Variants in CARF observed in about 807,000 individuals in gnomAD.
The protein encoded by CARF is calcium responsive transcription factor, also known as calcium-responsive transcription factor.
Under a neutral mutation model 82.0 loss-of-function variants are expected in CARF, and 57 were observed. The ratio of observed to expected loss-of-function variants is 0.70; its 90% CI spans 0.56 to 0.87. The LOEUF is 0.87. Ranked by LOEUF, CARF falls within the 40% of genes least tolerant of loss-of-function variation. CARF has a pLI of 0.00. For missense variants in CARF, 771 were observed against 855.8 expected (o/e 0.90, Z 1.24); for synonymous variants, 268 against 290.1 (o/e 0.92, Z 0.77).
intron 8 of CARF, among the ~76,000 whole-genome samples, chr2:202,959,010 A>G (rs2059184345): frequency 6.6e-6 from 1 of 151,756 alleles, no homozygotes; most frequent in African/African-American, 2.4e-5. Flanking sequence ...TTCTCATTTA[A>G]TGATGTTTTA....
chr2:202,950,433 T>G (rs2058702680), intron 5 of CARF, among the ~76,000 whole-genome samples: 2 of 152,216 alleles, frequency 1.3e-5, no homozygotes, highest in Admixed American at 1.3e-4. Context: ...GTTAGAAAAT[T>G]TGTATATACA....
At position 202,984,716 on chromosome 2, in the gene CARF, A is replaced by G. The variant is rs1267774339; in HGVS notation, c.*1092A>G. On this transcript the variant is annotated 3_prime_UTR_variant, in exon 17 of 17. Transcript: ENST00000438828. ...AGTAAGTATATTAACTTCAAATACC[A>G]AATTACTACTAAGCAGTATATTGAT... 1 of 152,210 alleles carries G rather than the reference A, an allele frequency of 6.6e-6. No homozygotes were observed. Among genetic ancestry groups the G allele is most frequent in the East Asian group, 1.9e-4 (1 of 5,196 alleles). 9.4% of individuals were successfully genotyped at this position (152,210 alleles called of 1,614,324 possible). A position where few individuals can be genotyped will look rare whatever the true frequency, so the allele number is the denominator to read the frequency against.
intron 3 of CARF, among the ~76,000 whole-genome samples, chr2:202,936,299 T>C (rs903755369): frequency 2.0e-5 from 3 of 152,218 alleles, no homozygotes; most frequent in African/African-American, 7.2e-5. Context: ...GTGAAATTCA[T>C]ATAACTTAAA....
At position 202,974,481 on chromosome 2, in the gene CARF, G is replaced by C. The variant is rs2059944035; in HGVS notation, c.1479G>C (p.Glu493Asp). 6.3e-7 allele frequency: 1 copy of C among 1,598,176 alleles called. No individual in the cohort carries two copies. The highest frequency in any genetic ancestry group is 8.5e-7 in the Non-Finnish European group (1 of 1,175,810). ...ATGGAGATACGGTATATAACTCAGA[G>C]ATTATTCCAGCAACGGTATGATTAC... ...LRNGDTVYNS[E>D]IIPATLQWTT... The change falls in exon 13 of 17, where the codon GAG becomes GAC. Residue 493 changes from glutamate to aspartate, a missense_variant. Glu to Asp is a conservative substitution (Grantham distance 45). Coordinates refer to ENST00000438828, the MANE Select transcript of CARF (RefSeq NM_024744.17).
At position 202,961,443 on chromosome 2, in the gene CARF, T is replaced by C. The variant is rs2059316828; in HGVS notation, c.832+17T>C. 1 of 1,605,162 alleles carries C rather than the reference T, an allele frequency of 6.2e-7. No homozygotes were observed. Among genetic ancestry groups the C allele is most frequent in the African/African-American group, 1.3e-5 (1 of 74,792 alleles). On this transcript the variant is annotated intron_variant, in intron 9 of 16. Coordinates refer to ENST00000438828, the MANE Select transcript of CARF (RefSeq NM_024744.17). ...TTAATGCAGGTACTTTTTTAAAGAA[T>C]TATTTTAAAAGGTTCAGCAGCAGCC...
rs1400776007 is a variant in CARF, at chr2:202,984,970, C to G, written c.*1346C>G. 2 of 151,598 alleles carry G rather than the reference C, an allele frequency of 1.3e-5. No homozygotes were observed. Among genetic ancestry groups the G allele is most frequent in the African/African-American group, 2.4e-5 (1 of 41,214 alleles). The allele number at this position is 151,598 out of a possible 1,614,324, so 9.4% of individuals were successfully genotyped here. On this transcript the variant is annotated 3_prime_UTR_variant, in exon 17 of 17. Transcript: ENST00000438828. Reference sequence around the variant, plus strand: ...ACTTGGGAGGCTAAGGCAGGAGAATCGCTTGAACACCGGAGGCGGAGGTTG... The same window carrying G: ...ACTTGGGAGGCTAAGGCAGGAGAATGGCTTGAACACCGGAGGCGGAGGTTG...
chr2:202,932,506 G>C (rs995520649), intron 3 of CARF, among the ~76,000 whole-genome samples: 1 of 152,066 alleles, frequency 6.6e-6, no homozygotes, highest in African/African-American at 2.4e-5. Context: ...CTGGAGGTTT[G>C]GGAGCAGGGT....
At chr2:202,913,447 T>C (rs1445784174) in intron 1 of CARF, among the ~76,000 whole-genome samples, 2 of 152,222 alleles carry the variant, frequency 1.3e-5, no homozygotes, top group African/African-American at 2.4e-5. Context: ...TGTTAATTAT[T>C]ATCATCAAAT....
chr2:202,932,606 C>T (rs971768831), intron 3 of CARF, among the ~76,000 whole-genome samples: 5 of 152,002 alleles, frequency 3.3e-5, no homozygotes, highest in Non-Finnish European at 5.9e-5. Context: ...TAACTGTAGT[C>T]CCTGGGAACT....
At chr2:202,950,243 G>C (rs1016783698) in intron 5 of CARF, among the ~76,000 whole-genome samples, 1 of 152,154 alleles carries the variant, frequency 6.6e-6, no homozygotes, top group African/African-American at 2.4e-5. Flanking sequence ...TATCTACTAT[G>C]CTTGGGAAAC....
chr2:202,920,461 C>T (rs1690592629), intron 2 of CARF, among the ~76,000 whole-genome samples: 1 of 152,056 alleles, frequency 6.6e-6, no homozygotes, highest in Non-Finnish European at 1.5e-5. Flanking sequence ...GTCCTAAATT[C>T]ATAATCTTAA....
intron 13 of CARF, 98 bp from the exon 14 acceptor site, chr2:202,977,171 C>A: frequency 1.1e-6 from 1 of 872,938 alleles, no homozygotes; most frequent in Non-Finnish European, 1.9e-6. Context: ...CAGAATAAAT[C>A]ACATACTGTG....
chr2:202,969,913 A>G lies in CARF; in HGVS notation c.954-6A>G, dbSNP rs73056727. ...TGAAACAAATTCTTCTTTATCTTGT[A>G]TAAAGGATTTACATTAAAAAGGTAC... On this transcript the variant is annotated splice_region_variant and splice_polypyrimidine_tract_variant and intron_variant, in intron 10 of 16. Coordinates refer to ENST00000438828, the MANE Select transcript of CARF (RefSeq NM_024744.17). The G allele has an allele frequency of 2.1e-6, 3 of 1,462,026 alleles. No homozygotes were observed. The highest frequency in any genetic ancestry group is 1.9e-4 in the Middle Eastern group (1 of 5,154). 90.6% of individuals were successfully genotyped at this position (1,462,026 alleles called of 1,614,324 possible). A position where few individuals can be genotyped will look rare whatever the true frequency, so the allele number is the denominator to read the frequency against.
intron 14 of CARF, 61 bp downstream of exon 14, chr2:202,977,393 T>A: frequency 1.6e-6 from 2 of 1,257,842 alleles, no homozygotes; most frequent in Non-Finnish European, 2.3e-6. Context: ...GGAAGGAACT[T>A]AAGATATTAT....
chr2:202,980,846 G>A (rs1391375554), intron 14 of CARF, among the ~76,000 whole-genome samples: 1 of 151,376 alleles, frequency 6.6e-6, no homozygotes, highest in Non-Finnish European at 1.5e-5. Flanking sequence ...ATCCAGAGAG[G>A]ATTTAAAGTT....
intron 7 of CARF, among the ~76,000 whole-genome samples, chr2:202,955,260 T>C (rs2058983150): frequency 6.6e-6 from 1 of 152,218 alleles, no homozygotes; most frequent in Admixed American, 6.5e-5. Flanking sequence ...TTTTTGACAT[T>C]TAATTTCAGA....
intron 5 of CARF, among the ~76,000 whole-genome samples, chr2:202,945,516 A>G (rs893910175): frequency 6.6e-6 from 1 of 151,946 alleles, no homozygotes; most frequent in Middle Eastern, 3.2e-3. Flanking sequence ...CTTTGTGTTC[A>G]TAAGTTTTTA....
intron 13 of CARF, among the ~76,000 whole-genome samples, chr2:202,975,704 A>G (rs904456683): frequency 1.3e-5 from 2 of 152,198 alleles, no homozygotes; most frequent in African/African-American, 4.8e-5. Context: ...ATTGAGTACT[A>G]TTGTATATAT....
chr2:202,943,803 A>G (rs1348251868), intron 5 of CARF, among the ~76,000 whole-genome samples: 1 of 151,940 alleles, frequency 6.6e-6, no homozygotes, highest in Non-Finnish European at 1.5e-5. Context: ...ACCTGCCACC[A>G]CACCCGGCTA....
Sources: gnomAD v4.1 joint callset for allele counts (sites outside exome capture counted in the v4.1 genomes callset) on GRCh38, gnomAD v4.1.1 for gene constraint, MANE v1.5 for transcripts, NCBI Gene and HGNC (gene_info 2026-07-23, HGNC 2026-07-21) for gene names.